Variants in ZNF394 observed in about 807,000 individuals in gnomAD.
ZNF394 encodes the protein zinc finger protein 394.
In ZNF394, 19 loss-of-function variants were observed where a neutral mutation model predicts 21.8. The observed-to-expected ratio is 0.87, with a 90% CI of 0.61 to 1.28. ZNF394 has a LOEUF of 1.28. ZNF394 is among the 50% of genes most tolerant of loss of function. The pLI is 0.00. For missense variants in ZNF394, 683 were observed against 708.6 expected (o/e 0.96, Z 0.41); for synonymous variants, 294 against 273.3 (o/e 1.08, Z -0.75).
intron 1 of ZNF394, 95 bp downstream of exon 1, chr7:99,499,543 G>A: frequency 8.5e-7 from 1 of 1,176,720 alleles, no homozygotes; most frequent in South Asian, 1.5e-5. Context: ...ATGTTCACAC[G>A]AAATGTAATA....
At chr7:99,496,148 ATAGTAGGTATTT>A (rs1213853176) in intron 2 of ZNF394, among the ~76,000 whole-genome samples, 31 of 151,718 alleles carry the variant, frequency 2.0e-4, no homozygotes, top group African/African-American at 6.3e-4. Flanking sequence ...AGTAGGTATT[ATAGTAGGTATTT>A]TAGTAGGTAT....
downstream of ZNF394, among the ~76,000 whole-genome samples, chr7:99,489,894 A>G (rs1800124295): frequency 6.6e-6 from 1 of 151,830 alleles, no homozygotes; most frequent in African/African-American, 2.4e-5. Flanking sequence ...AATTCCAGCT[A>G]CTCAGGAGGC....
downstream of ZNF394, among the ~76,000 whole-genome samples, chr7:99,489,838 T>C (rs1800123338): frequency 6.6e-6 from 1 of 152,032 alleles, no homozygotes; most frequent in Non-Finnish European, 1.5e-5. Flanking sequence ...CCTATGTCTG[T>C]ATTAAAAATT....
At chr7:99,488,526 G>C (rs1800083797), downstream of ZNF394, among the ~76,000 whole-genome samples, 1 of 151,402 alleles carries the variant, frequency 6.6e-6, no homozygotes, top group Non-Finnish European at 1.5e-5. Flanking sequence ...ATTGAAGAAT[G>C]CCTTTCCTGT....
chr7:99,495,852 C>T (rs1800290197), intron 2 of ZNF394, among the ~76,000 whole-genome samples: 1 of 152,100 alleles, frequency 6.6e-6, no homozygotes, highest in Non-Finnish European at 1.5e-5. Flanking sequence ...AAACTCCTGA[C>T]CTCAGGTGAT....
Position 99,487,520 on chromosome 7 carries a change from G to C in ZNF394, n.84-557C>G, listed in dbSNP as rs753802833. ...TTGGAAAGCAGTCATTGGAGAACTA[G>C]AACTTATAAACCTCTACTTCAAGTG... is the stretch of plus-strand genomic sequence containing the variant. On this transcript the variant is annotated intron_variant and non_coding_transcript_variant, in intron 1 of 1. Transcript: ENST00000462024. The C allele has an allele frequency of 1.8e-5, 29 of 1,582,526 alleles. 2 individuals carry two copies. The South Asian group carries it at 3.4e-4, about 18-fold the overall frequency.
chr7:99,487,463 C>T (rs748317347), intron 1 of ZNF394: 1 of 1,613,720 alleles, frequency 6.2e-7, no homozygotes, highest in South Asian at 1.1e-5. Flanking sequence ...CACCAGGGCA[C>T]TCACAAAGGA....
intron 1 of ZNF394, chr7:99,487,062 T>A (rs772158425): frequency 6.2e-6 from 10 of 1,613,962 alleles, no homozygotes; most frequent in Non-Finnish European, 7.6e-6. Flanking sequence ...AAGAAAAACC[T>A]TATAAATGTA....
chr7:99,498,965 T>A, intron 1 of ZNF394, 123 bp from the exon 2 acceptor site: 3 of 1,356,766 alleles, frequency 2.2e-6, no homozygotes, highest in African/African-American at 1.5e-5. Context: ...CATTCTCTTG[T>A]AATCCTGAAA....
At position 99,494,670 on chromosome 7, in the gene ZNF394, T is replaced by C. The variant is rs769601486; in HGVS notation, c.584-39A>G. 8.5e-6 allele frequency: 13 copies of C among 1,529,940 alleles called. No homozygotes were observed. The South Asian group carries it at 9.1e-5, about 11-fold the overall frequency. 94.8% of individuals were successfully genotyped at this position (1,529,940 alleles called of 1,614,324 possible). On this transcript the variant is annotated intron_variant, in intron 2 of 2. Coordinates refer to ENST00000337673, the MANE Select transcript of ZNF394 (RefSeq NM_032164.4). ...ATACAAATTCCTGCCAGTGCATCCC[T>C]GTGCAACACAGAAATAAGCAAGTGC...
At chr7:99,487,398 C>G (rs1800027383) in intron 1 of ZNF394, 1 of 1,614,186 alleles carries the variant, frequency 6.2e-7, no homozygotes. Context: ...GAAGCCAACC[C>G]TACCAATGTG....
Position 99,498,758 on chromosome 7 carries a change from T to C in ZNF394, c.541A>G (p.Arg181Gly), listed in dbSNP as rs61737532. The C allele has an allele frequency of 2.3e-3, 3,732 of 1,614,094 alleles. 66 individuals are homozygous for C. In the African/African-American group the frequency reaches 0.043, roughly 19 times the overall value. The stretch of plus-strand genomic sequence containing the variant: ...CCGGAATCCTTCTGCGCACTCTCTC[T>C]GCAGAAGTCCCTCCGTGCTGGGTCC... ...RLDPARRDFC[R>G]ESAQKDSGST... Residue 181 changes from arginine to glycine, a missense_variant, in exon 2 of 3, where the codon AGA (arginine) becomes GGA (glycine). Arg to Gly is a moderately radical substitution (Grantham distance 125). This residue lies in a region of ZNF394 where 402 missense variants were observed against 373.8 expected (regional missense o/e 1.08). Coordinates refer to ENST00000337673, the MANE Select transcript of ZNF394 (RefSeq NM_032164.4).
Position 99,493,432 on chromosome 7 carries a change from T to C in ZNF394, c.*97A>G, listed in dbSNP as rs1800205628. On this transcript the variant is annotated 3_prime_UTR_variant, in exon 3 of 3. Transcript: ENST00000337673. ...CCACCATGCCCGGCTCATTTTTGTA[T>C]TTTTAGTAGAGACAGGATTTTACCA... 5.8e-6 allele frequency: 7 copies of C among 1,199,950 alleles called. No individual in the cohort carries two copies. The highest frequency in any genetic ancestry group is 1.5e-5 in the African/African-American group (1 of 65,472). 74.3% of individuals were successfully genotyped at this position (1,199,950 alleles called of 1,614,324 possible).
intron 1 of ZNF394, among the ~76,000 whole-genome samples, chr7:99,488,004 G>A (rs564087137): frequency 2.1e-4 from 31 of 150,746 alleles, no homozygotes; most frequent in African/African-American, 6.8e-4. Flanking sequence ...CCCAGGAGGC[G>A]GAGCTTGCAG....
rs769653041 is a variant in ZNF394 at position 99,493,701 on chromosome 7, C to G, written c.1514G>C (p.Arg505Pro). The part of the protein sequence containing the change: ...KPYGCSVCGK[R>P]FNQSATLIKH... ...AATGAGGGTTGCACTCTGATTGAAGCGTTTCCCACAGACGGAACATCCATA... is the reference window on the plus strand; with the variant it reads ...AATGAGGGTTGCACTCTGATTGAAGGGTTTCCCACAGACGGAACATCCATA... Residue 505 changes from arginine to proline, a missense_variant, in exon 3 of 3, where the codon CGC (arginine) becomes CCC (proline). Around this residue, in one of 3 missense-constraint regions of ZNF394, gnomAD observed 274 missense variants for 314.1 expected, o/e 0.87. Coordinates refer to ENST00000337673, the MANE Select transcript of ZNF394 (RefSeq NM_032164.4). 1.9e-6 allele frequency: 3 copies of G among 1,614,190 alleles called. No homozygotes were observed. Among genetic ancestry groups the G allele is most frequent in the South Asian group, 2.2e-5 (2 of 91,090 alleles).
At chr7:99,489,448 C>A (rs1329191342), downstream of ZNF394, among the ~76,000 whole-genome samples, 1 of 152,112 alleles carries the variant, frequency 6.6e-6, no homozygotes, top group Admixed American at 6.6e-5. Context: ...AGCTGTCAAC[C>A]AATCATCGAT....
rs1800201079 is a variant in ZNF394, at chr7:99,493,287, C to T, written c.*242G>A. On this transcript the variant is annotated 3_prime_UTR_variant, in exon 3 of 3. Coordinates refer to ENST00000337673, the MANE Select transcript of ZNF394 (RefSeq NM_032164.4). Reference sequence around the variant, plus strand: ...TTATTTCTTTTTTGAGATGGAGTCTCGCTCTGTTGCCCAGGCTGGAGTGCA... The same window carrying T: ...TTATTTCTTTTTTGAGATGGAGTCTTGCTCTGTTGCCCAGGCTGGAGTGCA... 9.9e-6 allele frequency: 12 copies of T among 1,213,528 alleles called. No individual in the cohort carries two copies. Among genetic ancestry groups the T allele is most frequent in the South Asian group, 7.9e-5 (3 of 38,102 alleles). 75.2% of individuals were successfully genotyped at this position (1,213,528 alleles called of 1,614,324 possible).
chr7:99,495,499 A>G (rs1800273705), intron 2 of ZNF394, among the ~76,000 whole-genome samples: 1 of 139,308 alleles, frequency 7.2e-6, no homozygotes, highest in South Asian at 2.3e-4. Flanking sequence ...ATTTTTTTGT[A>G]TTTTTAGTGG....
At chr7:99,496,866 C>G (rs966611330) in intron 2 of ZNF394, among the ~76,000 whole-genome samples, 2 of 151,510 alleles carry the variant, frequency 1.3e-5, no homozygotes, top group African/African-American at 2.4e-5. Flanking sequence ...GCCACCGTAC[C>G]CAGCCAACAG....
Sources: gnomAD v4.1 joint callset for allele counts (sites outside exome capture counted in the v4.1 genomes callset) on GRCh38, gnomAD v4.1.1 for gene constraint, gnomAD v4.1.1 regional missense constraint, MANE v1.5 for transcripts, NCBI Gene and HGNC (gene_info 2026-07-23, HGNC 2026-07-21) for gene names.